The following TYW1 variants were observed in gnomAD, a reference collection of about 807,000 sequenced individuals.
The protein encoded by TYW1 is tRNA-yW synthesizing protein 1 homolog.
TYW1 carries 46 observed loss-of-function variants against 96.2 expected under a neutral mutation model. The observed-to-expected ratio is 0.48, with a 90% confidence interval of 0.38 to 0.61. The LOEUF (loss-of-function observed/expected upper bound fraction) is 0.61, where lower values mean the gene tolerates loss of function less well. Among genes scored for constraint, TYW1 ranks in the 20% least tolerant of loss-of-function variants. The pLI, the probability that TYW1 is intolerant of heterozygous loss-of-function variation, is 0.00. For missense variants in TYW1, 684 were observed against 909.6 expected (o/e 0.75, Z 3.19); for synonymous variants, 274 against 323.0 (o/e 0.85, Z 1.63).
At position 67,166,920 on chromosome 7, in the gene TYW1, G is replaced by T. The variant is rs536350216; in HGVS notation, c.1699-16206G>T. On this transcript the variant is annotated intron_variant, in intron 13 of 15. Transcript: ENST00000359626. Reference sequence around the variant, plus strand: ...CACCTGATTGGGTGTTCTGCATTCAGTCATCATTAGTAGATAGTGCCAGAC... The same window carrying T: ...CACCTGATTGGGTGTTCTGCATTCATTCATCATTAGTAGATAGTGCCAGAC... 9.2e-5 allele frequency among the ~76,000 whole-genome samples: 14 copies of T among 152,294 alleles called. 1 individual carries two copies. The South Asian group carries it at 1.9e-3, about 20-fold the overall frequency.
intron 7 of TYW1, among the ~76,000 whole-genome samples, chr7:67,029,303 A>G (rs1196734594): frequency 1.3e-5 from 1 of 74,678 alleles, no homozygotes; most frequent in Non-Finnish European, 2.9e-5. Flanking sequence ...TGGACTTAAG[A>G]TTTAAAAAAA....
chr7:67,234,727 C>T (rs1250866205), intron 15 of TYW1, among the ~76,000 whole-genome samples: 2 of 152,146 alleles, frequency 1.3e-5, no homozygotes, highest in African/African-American at 4.8e-5. Context: ...AAATTTCTTC[C>T]ATTTTAAACC....
intron 14 of TYW1, among the ~76,000 whole-genome samples, chr7:67,192,757 G>A (rs1800260886): frequency 1.3e-5 from 2 of 152,122 alleles, no homozygotes; most frequent in African/African-American, 4.8e-5. Flanking sequence ...TAGGGTTTTT[G>A]AGGGGGGAAA....
chr7:67,178,296 G>T (rs1482063480), intron 13 of TYW1, among the ~76,000 whole-genome samples: 1 of 152,232 alleles, frequency 6.6e-6, no homozygotes, highest in African/African-American at 2.4e-5. Context: ...TTCATACAAT[G>T]TGGCCATAAA....
At chr7:67,073,767 C>CAA (rs71526599) in intron 10 of TYW1, among the ~76,000 whole-genome samples, 1,703 of 42,338 alleles carry the variant, frequency 0.04, 155 homozygotes, top group Non-Finnish European at 0.059. Context: ...CGAGACTCTT[C>CAA]AAAAAAAAAA....
rs566725935 is a variant in TYW1, at chr7:67,044,945, A to T, written c.985-5004A>T. Among the ~76,000 whole-genome samples the T allele has an allele frequency of 7.4e-4, 113 of 152,282 alleles. 1 individual carries two copies. The highest frequency in any genetic ancestry group is 2.7e-3 in the African/African-American group (112 of 41,560). ...AAGCCAACCTTTTCTATAGGAATTG[A>T]TAAGAAAAGGAATCACTTGATGGTA... On this transcript the variant is annotated intron_variant, in intron 7 of 15. Transcript: ENST00000359626.
At chr7:67,236,208 C>T (rs1031659367) in intron 15 of TYW1, among the ~76,000 whole-genome samples, 3 of 152,092 alleles carry the variant, frequency 2.0e-5, no homozygotes, top group Admixed American at 1.3e-4. Context: ...ACAGCTTGGG[C>T]GTCACGTGAG....
intron 13 of TYW1, among the ~76,000 whole-genome samples, chr7:67,152,648 C>A (rs1798839836): frequency 6.6e-6 from 1 of 152,180 alleles, no homozygotes; most frequent in Non-Finnish European, 1.5e-5. Context: ...GTCACCCAGG[C>A]TAGAGTGCAG....
At chr7:67,125,263 A>G (rs1159158389) in intron 13 of TYW1, among the ~76,000 whole-genome samples, 2 of 152,082 alleles carry the variant, frequency 1.3e-5, no homozygotes, top group African/African-American at 4.8e-5. Flanking sequence ...ATCTTTGCCC[A>G]CCCCAAGGTC....
At chr7:67,125,291 T>G (rs1194908179) in intron 13 of TYW1, among the ~76,000 whole-genome samples, 1 of 152,262 alleles carries the variant, frequency 6.6e-6, no homozygotes, top group East Asian at 1.9e-4. Context: ...TAGTTTCTTA[T>G]GTTTTCCTCT....
Position 66,996,990 on chromosome 7 carries a change from C to T in TYW1, c.4+8C>T, listed in dbSNP as rs374348794. 2.4e-4 allele frequency: 384 copies of T among 1,614,138 alleles called. 2 individuals are homozygous for T. The highest frequency in any genetic ancestry group is 2.0e-3 in the Middle Eastern group (12 of 6,052). On this transcript the variant is annotated splice_region_variant and intron_variant, in intron 1 of 15. Coordinates refer to ENST00000359626, the MANE Select transcript of TYW1 (RefSeq NM_018264.4). ...CGGCTCTGAGGAGGATGGGTAAGGG[C>T]ACTCGGCGGGCAAGGACCCTGGGGC...
At chr7:67,140,598 C>G (rs1798419217) in intron 13 of TYW1, among the ~76,000 whole-genome samples, 1 of 142,940 alleles carries the variant, frequency 7.0e-6, no homozygotes, top group African/African-American at 2.7e-5. Flanking sequence ...ATCCACACAG[C>G]TCTTAAATAT....
intron 8 of TYW1, 103 bp downstream of exon 8, chr7:67,050,169 A>C (rs902506289): frequency 6.0e-6 from 8 of 1,326,298 alleles, no homozygotes; most frequent in Non-Finnish European, 8.5e-6. Flanking sequence ...AGCTGTTCAT[A>C]GTGGCAGATA....
chr7:67,101,214 A>G (rs542022557), intron 12 of TYW1, among the ~76,000 whole-genome samples: 10 of 152,268 alleles, frequency 6.6e-5, no homozygotes, highest in African/African-American at 2.4e-4. Context: ...GGCCCAGTGT[A>G]TGAGAGTGAA....
Position 67,098,686 on chromosome 7 carries a change from G to A in TYW1, c.1530G>A (p.Leu510=). ...ACCAGTGTAAAATTTCCAGCTTCCTGGTCACAAACGCACAATTTCCTGCGG... is the reference window on the plus strand; with the variant it reads ...ACCAGTGTAAAATTTCCAGCTTCCTAGTCACAAACGCACAATTTCCTGCGG... The part of the protein sequence containing the change: ...LLHQCKISSF[L]VTNAQFPAEI... The change falls in exon 12 of 16, where the codon CTG becomes CTA. Residue 510 remains leucine, a synonymous_variant. Coordinates refer to ENST00000359626, the MANE Select transcript of TYW1 (RefSeq NM_018264.4). 2.5e-6 allele frequency: 4 copies of A among 1,614,058 alleles called. No individual in the cohort carries two copies. Among genetic ancestry groups the A allele is most frequent in the Non-Finnish European group, 3.4e-6 (4 of 1,179,960 alleles).
At chr7:67,117,713 T>A (rs60800157) in intron 13 of TYW1, 95 bp downstream of exon 13, 307,098 of 1,327,512 alleles carry the variant, frequency 0.23, 38,152 homozygotes, top group African/African-American at 0.44. Context: ...ACAGAGGTAC[T>A]TTTTCCTCTT....
intron 7 of TYW1, among the ~76,000 whole-genome samples, chr7:67,045,348 T>TGACA (rs1414721003): frequency 1.3e-5 from 2 of 151,974 alleles, no homozygotes; most frequent in South Asian, 2.1e-4. Flanking sequence ...GTAGCTCAGA[T>TGACA]GACAGGCACA....
intron 13 of TYW1, among the ~76,000 whole-genome samples, chr7:67,151,584 A>G (rs949411501): frequency 6.6e-5 from 10 of 152,132 alleles, no homozygotes; most frequent in African/African-American, 2.4e-4. Flanking sequence ...ACATAGAGGA[A>G]TATATCTACA....
intron 12 of TYW1, among the ~76,000 whole-genome samples, chr7:67,107,361 A>G (rs893199136): frequency 6.6e-6 from 1 of 152,178 alleles, no homozygotes; most frequent in Non-Finnish European, 1.5e-5. Flanking sequence ...CACTAAACAT[A>G]TGAAGTTTAA....
Sources: allele counts gnomAD v4.1 joint callset (sites outside exome capture counted in the v4.1 genomes callset), GRCh38; gene constraint gnomAD v4.1.1; transcripts MANE v1.5; gene names NCBI Gene and HGNC (gene_info 2026-07-23, HGNC 2026-07-21).